Variants in C17orf99 observed in about 807,000 individuals in gnomAD.
C17orf99 encodes protein IL-40.
A neutral mutation model predicts 22.6 loss-of-function variants in C17orf99; 18 were observed. The ratio of observed to expected loss-of-function variants is 0.80; its 90% CI spans 0.55 to 1.18. The LOEUF (loss-of-function observed/expected upper bound fraction) is 1.18. C17orf99 is among the 50% of genes most tolerant of loss of function. C17orf99 has a pLI of 0.00. For missense variants in C17orf99, 328 were observed against 342.7 expected, an observed-to-expected ratio of 0.96 and a Z score of 0.34; for synonymous variants, 147 against 136.6, an observed-to-expected ratio of 1.08 and a Z score of -0.53.
intron 2 of C17orf99, among the ~76,000 whole-genome samples, chr17:78,149,331 C>CAAAA (rs35155993): frequency 1.5e-4 from 6 of 41,016 alleles, no homozygotes; most frequent in East Asian, 4.9e-4. Context: ...GACTCTGCCT[C>CAAAA]AAAAAAAAAA....
At chr17:78,164,718 G>C in intron 4 of C17orf99, 1 of 1,344,240 alleles carries the variant, frequency 7.4e-7, no homozygotes, top group South Asian at 1.2e-5. Context: ...GGCCTGAGAG[G>C]TCCAACCGGG....
Position 78,147,947 on chromosome 17 carries a change from G to A in C17orf99, c.70+1036G>A, listed in dbSNP as rs77262108. Among the ~76,000 whole-genome samples, 450 of 152,288 alleles carry A rather than the reference G, an allele frequency of 3.0e-3. 4 individuals are homozygous for A. Among genetic ancestry groups the A allele is most frequent in the African/African-American group, 0.01 (431 of 41,558 alleles). Reference sequence around the variant, plus strand: ...CTGCTAACTAAACTCCTAAGAGACTGACTGATAAATCATTTATTCATTCAA... The same window carrying A: ...CTGCTAACTAAACTCCTAAGAGACTAACTGATAAATCATTTATTCATTCAA... On this transcript the variant is annotated intron_variant, in intron 2 of 4. Coordinates refer to ENST00000340363, the MANE Select transcript of C17orf99 (RefSeq NM_001163075.2).
chr17:78,153,709 T>C (rs1251536245), intron 2 of C17orf99, among the ~76,000 whole-genome samples: 4 of 152,018 alleles, frequency 2.6e-5, no homozygotes, highest in Admixed American at 2.6e-4. Context: ...CTTCCCCACG[T>C]GAGGCAGGCT....
chr17:78,154,798 C>T (rs11650572), intron 2 of C17orf99, among the ~76,000 whole-genome samples: 25,814 of 151,970 alleles, frequency 0.17, 2,786 homozygotes, highest in Non-Finnish European at 0.23. Context: ...GACGAGATCA[C>T]GACATTGCAC....
intron 2 of C17orf99, among the ~76,000 whole-genome samples, chr17:78,149,650 C>A (rs1249158488): frequency 7.9e-5 from 12 of 152,174 alleles, no homozygotes; most frequent in Admixed American, 7.9e-4. Context: ...CCTCCTGCCC[C>A]AGCCTCCCAA....
chr17:78,156,559 C>T (rs1036377920), intron 2 of C17orf99, among the ~76,000 whole-genome samples: 2 of 151,946 alleles, frequency 1.3e-5, no homozygotes, highest in African/African-American at 4.8e-5. Context: ...CTTTGGGTGC[C>T]GTGAGCAGGC....
At chr17:78,156,024 T>C (rs2075522360) in intron 2 of C17orf99, among the ~76,000 whole-genome samples, 2 of 151,916 alleles carry the variant, frequency 1.3e-5, no homozygotes, top group African/African-American at 4.8e-5. Context: ...TTAATCCCAA[T>C]TGCTGTCTTA....
At chr17:78,145,782 G>C (rs2145762629), upstream of C17orf99, among the ~76,000 whole-genome samples, 1 of 150,750 alleles carries the variant, frequency 6.6e-6, no homozygotes, top group African/African-American at 2.4e-5. Flanking sequence ...AGAAGTTACA[G>C]CGTGGACATC....
intron 3 of C17orf99, 99 bp downstream of exon 3, chr17:78,161,353 A>T (rs2075575275): frequency 9.2e-7 from 1 of 1,090,672 alleles, no homozygotes; most frequent in African/African-American, 1.6e-5. Flanking sequence ...GGGGTTAGAG[A>T]GAGCCAGGGT....
At position 78,164,050 on chromosome 17, in the gene C17orf99, A is replaced by C. The variant is rs534616115; in HGVS notation, c.371-45A>C. 1,046 of 1,500,840 alleles carry C rather than the reference A, an allele frequency of 7.0e-4. 18 individuals carry two copies. The South Asian group carries it at 0.011, about 16-fold the overall frequency. The allele number at this position is 1,500,840 out of a possible 1,614,324, so 93.0% of individuals were successfully genotyped here. A position where few individuals can be genotyped will look rare whatever the true frequency, so the allele number is the denominator to read the frequency against. Reference sequence around the variant, plus strand: ...AGAACTTACTGAGGAGGAGGGGTTTAAAACCGCTCAGCCATGCCTGTGCTA... The same window carrying C: ...AGAACTTACTGAGGAGGAGGGGTTTCAAACCGCTCAGCCATGCCTGTGCTA... On this transcript the variant is annotated intron_variant, in intron 3 of 4. Coordinates refer to ENST00000340363, the MANE Select transcript of C17orf99 (RefSeq NM_001163075.2).
At chr17:78,163,797 C>T (rs2018564) in intron 3 of C17orf99, among the ~76,000 whole-genome samples, 29,049 of 152,108 alleles carry the variant, frequency 0.19, 3,503 homozygotes, top group Non-Finnish European at 0.26. Context: ...GCTGGGGAGG[C>T]GGAGGTTGCA....
intron 4 of C17orf99, chr17:78,165,277 C>T: frequency 1.0e-6 from 1 of 986,580 alleles, no homozygotes; most frequent in Non-Finnish European, 1.2e-6. Context: ...TTCTCATCCT[C>T]TGCCCGTGGC....
chr17:78,156,572 G>C (rs560221770), intron 2 of C17orf99, among the ~76,000 whole-genome samples: 1 of 152,144 alleles, frequency 6.6e-6, no homozygotes, highest in East Asian at 1.9e-4. Flanking sequence ...GAGCAGGCTG[G>C]TCTCCTGCAG....
At chr17:78,147,822 G>C (rs2075448214) in intron 2 of C17orf99, among the ~76,000 whole-genome samples, 1 of 152,168 alleles carries the variant, frequency 6.6e-6, no homozygotes, top group African/African-American at 2.4e-5. Flanking sequence ...CTGCTAAAAA[G>C]AGAGCAGGCA....
intron 4 of C17orf99, chr17:78,165,037 A>G: frequency 9.4e-7 from 1 of 1,068,796 alleles, no homozygotes; most frequent in South Asian, 2.6e-5. Context: ...TTCTGTGAGA[A>G]CCACCTTGGG....
At position 78,165,937 on chromosome 17, in the gene C17orf99, T is replaced by A; in HGVS notation, c.689T>A (p.Ile230Asn). Residue 230 changes from isoleucine (I) to asparagine (N), a missense_variant, in exon 5 of 5, where the codon ATC (isoleucine) becomes AAC (asparagine). Transcript: ENST00000340363. ...EDWQGPLESP[I>N]LALPLYRSTR... is the part of the protein sequence containing the mutation. ...TGGCAGGGTCCCCTGGAGAGCCCCA[T>A]CCTTGCCTTGCCGCTCTACAGGAGC... The A allele has an allele frequency of 1.4e-6, 2 of 1,477,602 alleles. No individual in the cohort carries two copies. Among genetic ancestry groups the A allele is most frequent in the Non-Finnish European group, 1.8e-6 (2 of 1,101,514 alleles). 91.5% of individuals were successfully genotyped at this position (1,477,602 alleles called of 1,614,324 possible). A position where few individuals can be genotyped will look rare whatever the true frequency, so the allele number is the denominator to read the frequency against.
At position 78,146,508 on chromosome 17, in the gene C17orf99, G is replaced by A. The variant is rs1256492137; in HGVS notation, c.37+64G>A. Reference sequence around the variant, plus strand: ...GGGCCTTGAGGTCTTGGGCTCAGGTGGGGGTACTGGGAGCACAGGAGAGAT... The same window carrying A: ...GGGCCTTGAGGTCTTGGGCTCAGGTAGGGGTACTGGGAGCACAGGAGAGAT... On this transcript the variant is annotated intron_variant, in intron 1 of 4. Transcript: ENST00000340363. The surrounding 1 kb of genome is among the most constrained non-coding windows in gnomAD (Gnocchi z 5.2). 4.2e-6 allele frequency: 6 copies of A among 1,434,010 alleles called. No homozygotes were observed. Among genetic ancestry groups the A allele is most frequent in the South Asian group, 3.7e-5 (3 of 81,880 alleles). The allele number at this position is 1,434,010 out of a possible 1,614,324, so 88.8% of individuals were successfully genotyped here.
intron 2 of C17orf99, among the ~76,000 whole-genome samples, chr17:78,148,573 A>C (rs779590585): frequency 7.2e-5 from 11 of 152,074 alleles, no homozygotes; most frequent in Non-Finnish European, 1.3e-4. Context: ...CAAGCAGGGT[A>C]GAAGGAAAGG....
At chr17:78,147,591 C>T (rs1001841231) in intron 2 of C17orf99, among the ~76,000 whole-genome samples, 9 of 151,714 alleles carry the variant, frequency 5.9e-5, no homozygotes, top group Non-Finnish European at 1.0e-4. Context: ...CCCCTCCCCT[C>T]ATGTCCATTA....
Sources: allele counts gnomAD v4.1 joint callset (sites outside exome capture counted in the v4.1 genomes callset), GRCh38; gene constraint gnomAD v4.1.1; non-coding constraint Gnocchi (gnomAD v3.1); transcripts MANE v1.5; gene names NCBI Gene and HGNC (gene_info 2026-07-23, HGNC 2026-07-21).